The following VPS52 variants were observed in gnomAD, a reference collection of about 807,000 sequenced individuals.
VPS52 encodes the protein VPS52 subunit of GARP complex.
VPS52 carries 56 observed loss-of-function variants against 98.7 expected under a neutral mutation model. The observed-to-expected ratio is 0.57, with a 90% CI of 0.46 to 0.71. The LOEUF is 0.71. Ranked by LOEUF, VPS52 falls within the 30% of genes least tolerant of loss-of-function variation. VPS52 has a pLI of 0.00. For synonymous variants in VPS52, 348 were observed against 346.4 expected (o/e 1.00, Z -0.05); for missense variants, 742 against 925.9 (o/e 0.80, Z 2.58).
rs1762108328 is a variant in VPS52, at chr6:33,250,626, T to G, written c.*215A>C. On this transcript the variant is annotated 3_prime_UTR_variant, in exon 20 of 20. Coordinates refer to ENST00000445902, the MANE Select transcript of VPS52 (RefSeq NM_022553.6). ...TTTGGAAGCCCACAGGGAAGTGGTC[T>G]TGGGAAACCTGAAGACACTGGGATA... 1 of 589,202 alleles carries G rather than the reference T, an allele frequency of 1.7e-6. No homozygotes were observed. The highest frequency in any genetic ancestry group is 1.9e-5 in the African/African-American group (1 of 53,362). 36.5% of individuals were successfully genotyped at this position (589,202 alleles called of 1,614,324 possible). A position where few individuals can be genotyped will look rare whatever the true frequency, so the allele number is the denominator to read the frequency against.
chr6:33,270,249 A>G lies in VPS52; in HGVS notation c.125T>C (p.Leu42Pro). ...GGPGLQEPLQ[L>P]GELDITSDEF... ...ATCAGAAGTGATATCCAACTCCCCA[A>G]GTTGCAGTGGTTCCTGGAGCCCAGG... Residue 42 changes from leucine (L) to proline (P), a missense_variant, in exon 2 of 20, where the codon CTT becomes CCT. Leu to Pro is a moderately conservative substitution (Grantham distance 98). Coordinates refer to ENST00000445902, the MANE Select transcript of VPS52 (RefSeq NM_022553.6). The G allele has an allele frequency of 3.1e-6, 5 of 1,613,352 alleles. No homozygotes were observed. The highest frequency in any genetic ancestry group is 2.2e-5 in the East Asian group (1 of 44,852).
intron 17 of VPS52, among the ~76,000 whole-genome samples, chr6:33,259,197 G>T (rs1763359504): frequency 6.6e-6 from 1 of 152,164 alleles, no homozygotes; most frequent in Admixed American, 6.5e-5. Flanking sequence ...CGGGGTAACT[G>T]ACATTGTGGA....
At chr6:33,260,402 C>G (rs1302305436) in intron 17 of VPS52, among the ~76,000 whole-genome samples, 1 of 151,094 alleles carries the variant, frequency 6.6e-6, no homozygotes, top group East Asian at 1.9e-4. Flanking sequence ...CTTGTCTCAT[C>G]AGTGTTTATA....
At chr6:33,266,089 T>C (rs1331926842) in intron 12 of VPS52, among the ~76,000 whole-genome samples, 1 of 151,110 alleles carries the variant, frequency 6.6e-6, no homozygotes, top group Non-Finnish European at 1.5e-5. Context: ...CTCAAACTCC[T>C]GACCTTGTGA....
Position 33,250,856 on chromosome 6 carries a change from A to G in VPS52, c.2157T>C (p.His719=). Residue 719 remains histidine, a synonymous_variant, in exon 20 of 20, where the codon CAT becomes CAC. Transcript: ENST00000445902. ...TTCTGGCACATCAGAAGTTGGGCTTATGCTTCTTGAGCTCCACCATAAGGT... is the reference window on the plus strand; with the variant it reads ...TTCTGGCACATCAGAAGTTGGGCTTGTGCTTCTTGAGCTCCACCATAAGGT... ...IHHLMVELKK[H]KPNF is the part of the protein sequence containing the mutation. 1 of 1,612,284 alleles carries G rather than the reference A, an allele frequency of 6.2e-7. No homozygotes were observed.
At chr6:33,256,600 C>A (rs1322534078) in intron 17 of VPS52, among the ~76,000 whole-genome samples, 1 of 146,420 alleles carries the variant, frequency 6.8e-6, no homozygotes, top group African/African-American at 2.5e-5. Context: ...TAATTCTAAT[C>A]AAAATCCTTA....
At chr6:33,271,282 T>C (rs1765028726) in intron 1 of VPS52, 2 of 621,866 alleles carry the variant, frequency 3.2e-6, no homozygotes, top group East Asian at 5.5e-5. Flanking sequence ...AGCGTGTAAG[T>C]GGCAGAGATA....
intron 17 of VPS52, among the ~76,000 whole-genome samples, chr6:33,260,295 G>T (rs1170093084): frequency 6.6e-6 from 1 of 151,606 alleles, no homozygotes; most frequent in Non-Finnish European, 1.5e-5. Context: ...TTTCAAAGTG[G>T]TCCTCTCGCC....
intron 12 of VPS52, 40 bp downstream of exon 12, chr6:33,266,517 G>A (rs773282214): frequency 2.0e-6 from 3 of 1,534,968 alleles, no homozygotes; most frequent in Admixed American, 3.9e-5. Flanking sequence ...TGAAGACTGG[G>A]GACAAAGGTG....
chr6:33,253,011 G>A (rs1762487160), intron 17 of VPS52, among the ~76,000 whole-genome samples: 1 of 152,022 alleles, frequency 6.6e-6, no homozygotes, highest in Admixed American at 6.6e-5. Flanking sequence ...ACCAGACAGA[G>A]GAAGTTTGGC....
chr6:33,257,015 T>C (rs1443879953), intron 17 of VPS52, among the ~76,000 whole-genome samples: 1 of 151,906 alleles, frequency 6.6e-6, no homozygotes, highest in Non-Finnish European at 1.5e-5. Flanking sequence ...TCTCTATATA[T>C]TTGTTTATTC....
chr6:33,271,632 A>G lies in VPS52; in HGVS notation c.44T>C (p.Val15Ala). The G allele has an allele frequency of 6.2e-7, 1 of 1,611,062 alleles. No homozygotes were observed. The highest frequency in any genetic ancestry group is 8.5e-7 in the Non-Finnish European group (1 of 1,178,608). Residue 15 changes from valine to alanine, a missense_variant, in exon 1 of 20, where the codon GTG (valine) becomes GCG (alanine). Physicochemically the swap from Val to Ala is moderately conservative, Grantham distance 64. Coordinates refer to ENST00000445902, the MANE Select transcript of VPS52 (RefSeq NM_022553.6). Reference sequence around the variant, plus strand: ...CATATCTGAGGTCCCAGCCCGCAACACCAGTTCCCGGGCCGCAGCCGCCAT... The same window carrying G: ...CATATCTGAGGTCCCAGCCCGCAACGCCAGTTCCCGGGCCGCAGCCGCCAT... Reference protein sequence around the residue: ...ATMAAAARELVLRAGTSDMEE... With the variant: ...ATMAAAARELALRAGTSDMEE...
Position 33,267,845 on chromosome 6 carries a change from C to T in VPS52, c.933+20G>A. ...CTCCCAGTCCATGTGCCCAGGAATA[C>T]CTCTCCCTCCTGACCTTACCTGCAC... On this transcript the variant is annotated intron_variant, in intron 9 of 19. Transcript: ENST00000445902. This position sits in a 1 kb window ranked among gnomAD's most constrained non-coding sequence, Gnocchi z 4.2. 6.2e-7 allele frequency: 1 copy of T among 1,613,046 alleles called. No homozygotes were observed. Among genetic ancestry groups the T allele is most frequent in the East Asian group, 2.2e-5 (1 of 44,888 alleles).
intron 17 of VPS52, among the ~76,000 whole-genome samples, chr6:33,261,578 A>G (rs1763640594): frequency 6.6e-6 from 1 of 152,156 alleles, no homozygotes; most frequent in Admixed American, 6.5e-5. Context: ...ATGAAAACCA[A>G]ATCAAATGGA....
In VPS52 at chr6:33,271,714, G is replaced by C; in HGVS notation, c.-39C>G. 6.3e-7 allele frequency: 1 copy of C among 1,577,296 alleles called. No homozygotes were observed. Among genetic ancestry groups the C allele is most frequent in the Non-Finnish European group, 8.6e-7 (1 of 1,160,194 alleles). ...ACTTCCGGCAACTGTCAGTCCCGGC[G>C]AGTCCGTTCCCCGGAGTGGAGCTAC... On this transcript the variant is annotated 5_prime_UTR_variant, in exon 1 of 20. Coordinates refer to ENST00000445902, the MANE Select transcript of VPS52 (RefSeq NM_022553.6).
intron 17 of VPS52, among the ~76,000 whole-genome samples, chr6:33,258,096 A>T (rs1315492146): frequency 6.6e-6 from 1 of 151,950 alleles, no homozygotes; most frequent in Non-Finnish European, 1.5e-5. Context: ...AGCAACATTA[A>T]AAAAACAAAG....
rs1004372999 is a variant in VPS52, at chr6:33,264,487, G to C, written c.1411C>G (p.Gln471Glu). ...DVPALDRYWE[Q>E]VLALLWPRFE... is the part of the protein sequence containing the mutation. Reference sequence around the variant, plus strand: ...CGTGGCCATAGCAAGGCAAGCACCTGTTCCCAGTACCTGTGGGCTTAATCA... The same window carrying C: ...CGTGGCCATAGCAAGGCAAGCACCTCTTCCCAGTACCTGTGGGCTTAATCA... The change falls in exon 14 of 20, where the codon CAG becomes GAG. Residue 471 changes from glutamine to glutamate, a missense_variant. Coordinates refer to ENST00000445902, the MANE Select transcript of VPS52 (RefSeq NM_022553.6). 3.1e-6 allele frequency: 5 copies of C among 1,614,204 alleles called. No individual in the cohort carries two copies. The highest frequency in any genetic ancestry group is 4.2e-6 in the Non-Finnish European group (5 of 1,180,042).
rs562807379 is a variant in VPS52, at chr6:33,257,555, C to A, written c.1795-5584G>T. ...CTAGGACTACAGGTACGCATCACCA[C>A]GCCCAGCTAATTTTTTTGTATTTTT... On this transcript the variant is annotated intron_variant, in intron 17 of 19. Coordinates refer to ENST00000445902, the MANE Select transcript of VPS52 (RefSeq NM_022553.6). Among the ~76,000 whole-genome samples, 9 of 152,234 alleles carry A rather than the reference C, an allele frequency of 5.9e-5. No individual in the cohort carries two copies. In the East Asian group the frequency reaches 1.5e-3, roughly 26 times the overall value.
Position 33,267,138 on chromosome 6 carries a change from C to T in VPS52, c.1125+50G>A. 6.9e-7 allele frequency: 1 copy of T among 1,452,886 alleles called. No homozygotes were observed. Among genetic ancestry groups the T allele is most frequent in the Non-Finnish European group, 9.1e-7 (1 of 1,100,896 alleles). The allele number at this position is 1,452,886 out of a possible 1,614,324, so 90.0% of individuals were successfully genotyped here. On this transcript the variant is annotated intron_variant, in intron 11 of 19. Transcript: ENST00000445902. The surrounding 1 kb of genome is among the most constrained non-coding windows in gnomAD (Gnocchi z 4.2). ...TGCCCTGAGGTCTGGCCTTCCCTCCCCACCGTGCTCAGAGCCTCTTTCGTG... is the reference window on the plus strand; with the variant it reads ...TGCCCTGAGGTCTGGCCTTCCCTCCTCACCGTGCTCAGAGCCTCTTTCGTG...
Sources: allele counts gnomAD v4.1 joint callset (sites outside exome capture counted in the v4.1 genomes callset), GRCh38; gene constraint gnomAD v4.1.1; non-coding constraint Gnocchi (gnomAD v3.1); transcripts MANE v1.5; gene names NCBI Gene and HGNC (gene_info 2026-07-23, HGNC 2026-07-21).